FMR1NB: variants seen among roughly 807,000 people sequenced by gnomAD.
FMR1NB encodes the protein FMR1 neighbor protein.
In FMR1NB, 10 loss-of-function variants were observed where a neutral mutation model predicts 16.8. The observed-to-expected ratio is 0.60, with a 90% CI of 0.37 to 1.01. The LOEUF (loss-of-function observed/expected upper bound fraction) is 1.01, where lower values mean the gene tolerates loss of function less well. Among genes scored for constraint, FMR1NB ranks in the 50% least tolerant of loss-of-function variants. The probability of loss-of-function intolerance (pLI) is 0.01; values close to 1 mark genes in which losing one functional copy is unlikely to be tolerated. For synonymous variants in FMR1NB, 83 were observed against 79.1 expected, an observed-to-expected ratio of 1.05 and a Z score of -0.26; for missense variants, 205 against 204.8, an observed-to-expected ratio of 1.00 and a Z score of 0.00.
At chrX:147,986,088 CAT>C (rs1269920350) in intron 1 of FMR1NB, among the ~76,000 whole-genome samples, 1 of 112,310 alleles carries the variant, frequency 8.9e-6, no homozygotes, top group Non-Finnish European at 1.9e-5. Context: ...AGCTTCTTTT[CAT>C]ATGTTTGGGG....
intron 4 of FMR1NB, 111 bp downstream of exon 4, chrX:148,008,822 T>C (rs2044609810): frequency 1.5e-6 from 1 of 659,047 alleles, no homozygotes. Context: ...TTGGGTTCTT[T>C]ATGTTGAAAA....
chrX:148,007,065 A>G (rs781864012), intron 3 of FMR1NB, among the ~76,000 whole-genome samples: 144 of 111,160 alleles, frequency 1.3e-3, no homozygotes, highest in African/African-American at 4.5e-3. Flanking sequence ...TTAGTCTCAC[A>G]TTTTCTTTTG....
chrX:148,013,056 A>C (rs782412110), intron 4 of FMR1NB, among the ~76,000 whole-genome samples: 1 of 111,584 alleles, frequency 9.0e-6, no homozygotes, highest in Non-Finnish European at 1.9e-5. Context: ...AATGTGAGCA[A>C]ACTGGAACTC....
chrX:147,983,178 G>A (rs1200728908), intron 1 of FMR1NB, among the ~76,000 whole-genome samples: 2 of 111,718 alleles, frequency 1.8e-5, no homozygotes, highest in African/African-American at 3.3e-5. Flanking sequence ...AATTTGGGTT[G>A]TTTCCACTTT....
At chrX:148,015,188 G>T (rs1191061346) in intron 4 of FMR1NB, among the ~76,000 whole-genome samples, 3 of 110,884 alleles carry the variant, frequency 2.7e-5, no homozygotes, top group African/African-American at 9.8e-5. Flanking sequence ...TTTCATCTCT[G>T]ATTTTACTTA....
At chrX:148,006,348 C>A (rs1158352853) in intron 2 of FMR1NB, among the ~76,000 whole-genome samples, 2 of 111,741 alleles carry the variant, frequency 1.8e-5, no homozygotes, top group Non-Finnish European at 3.8e-5. Context: ...TATGTGGGAT[C>A]ATTTTAACAA....
intron 4 of FMR1NB, among the ~76,000 whole-genome samples, chrX:148,013,532 A>T (rs782754819): frequency 2.7e-5 from 3 of 112,266 alleles, no homozygotes; most frequent in Non-Finnish European, 5.6e-5. Flanking sequence ...ATTCTAAAAG[A>T]TCTGCGTTCT....
At chrX:147,985,884 G>A (rs1334255902) in intron 1 of FMR1NB, among the ~76,000 whole-genome samples, 6 of 111,877 alleles carry the variant, frequency 5.4e-5, no homozygotes, top group African/African-American at 1.6e-4. Context: ...GATCCTTGAG[G>A]AATTGCCACA....
chrX:148,014,275 T>A (rs1603084955), intron 4 of FMR1NB, among the ~76,000 whole-genome samples: 1 of 111,433 alleles, frequency 9.0e-6, no homozygotes, highest in Admixed American at 9.5e-5. Flanking sequence ...ATGTATAGCA[T>A]TGGCCTTAGG....
At chrX:148,007,112 A>G (rs2044600739) in intron 3 of FMR1NB, among the ~76,000 whole-genome samples, 2 of 111,818 alleles carry the variant, frequency 1.8e-5, no homozygotes, top group South Asian at 7.5e-4. Context: ...AAAAGTTTCC[A>G]GGCTCTATGG....
At chrX:148,011,062 G>A (rs947727946) in intron 4 of FMR1NB, among the ~76,000 whole-genome samples, 4 of 110,641 alleles carry the variant, frequency 3.6e-5, no homozygotes, top group Non-Finnish European at 7.6e-5. Context: ...TCAGGAGTTC[G>A]AGACCAGCCT....
intron 1 of FMR1NB, among the ~76,000 whole-genome samples, chrX:147,992,292 A>G (rs1348681839): frequency 2.0e-5 from 1 of 49,037 alleles, no homozygotes; most frequent in Admixed American, 2.6e-4. Flanking sequence ...AGGGGGGCTG[A>G]CCCCCCCCAC....
chrX:148,003,598 C>T (rs1557188828), intron 2 of FMR1NB, among the ~76,000 whole-genome samples: 1 of 112,380 alleles, frequency 8.9e-6, no homozygotes, highest in African/African-American at 3.2e-5. Context: ...AAATACTTTT[C>T]CTTCGCAAAT....
chrX:148,010,985 T>A, intron 4 of FMR1NB, among the ~76,000 whole-genome samples: 1 of 111,314 alleles, frequency 9.0e-6, no homozygotes. Flanking sequence ...AGCCAGCAAC[T>A]GACAAGAGTT....
chrX:147,994,875 A>G (rs2124615963), intron 1 of FMR1NB, among the ~76,000 whole-genome samples: 1 of 112,505 alleles, frequency 8.9e-6, no homozygotes, highest in South Asian at 3.7e-4. Flanking sequence ...ACATAACAAA[A>G]TGCACTTGTT....
intron 4 of FMR1NB, among the ~76,000 whole-genome samples, chrX:148,019,661 G>C (rs2044669005): frequency 1.8e-5 from 2 of 112,051 alleles, no homozygotes; most frequent in African/African-American, 6.5e-5. Context: ...ACTTGTAGAG[G>C]TACTTCCTTA....
intron 3 of FMR1NB, 88 bp downstream of exon 3, chrX:148,006,930 C>A: frequency 4.1e-6 from 4 of 972,771 alleles, no homozygotes; most frequent in Non-Finnish European, 5.6e-6. Flanking sequence ...GATTTCCTAG[C>A]TTAATACTTA....
chrX:148,003,119 G>A (rs919860346), intron 1 of FMR1NB, 82 bp from the exon 2 acceptor site: 15 of 974,906 alleles, frequency 1.5e-5, no homozygotes, highest in Non-Finnish European at 2.1e-5. Flanking sequence ...ATTAATTTAA[G>A]CAAAGGTAAT....
intron 1 of FMR1NB, among the ~76,000 whole-genome samples, chrX:147,992,357 C>T (rs1307218614): frequency 5.8e-5 from 4 of 69,072 alleles, no homozygotes; most frequent in African/African-American, 1.7e-4. Context: ...CCACCTCCCT[C>T]CCGGACGGGG....
Sources: gnomAD v4.1 joint callset for allele counts (sites outside exome capture counted in the v4.1 genomes callset) on GRCh38, gnomAD v4.1.1 for gene constraint, MANE v1.5 for transcripts, NCBI Gene and HGNC (gene_info 2026-07-23, HGNC 2026-07-21) for gene names.